Variants in SEPTIN9 observed in about 807,000 individuals in gnomAD.
SEPTIN9 encodes septin-9.
Under a neutral mutation model 56.6 loss-of-function variants are expected in SEPTIN9, and 13 were observed. The ratio of observed to expected loss-of-function variants is 0.23; its 90% CI spans 0.15 to 0.37. The LOEUF is 0.37. SEPTIN9 is among the 10% of genes least tolerant of loss of function. The pLI, the probability that SEPTIN9 is intolerant of heterozygous loss-of-function variation, is 1.00. For synonymous variants in SEPTIN9, 332 were observed against 334.1 expected, an observed-to-expected ratio of 0.99 and a Z score of 0.07; for missense variants, 650 against 823.1, an observed-to-expected ratio of 0.79 and a Z score of 2.57.
chr17:77,446,140 G>C (rs1001114953), intron 3 of SEPTIN9: 1 of 167,184 alleles, frequency 6.0e-6, no homozygotes, highest in Non-Finnish European at 1.5e-5. Flanking sequence ...AAACTCAGTG[G>C]CTTAAAGCAA....
rs919540851 is a variant in SEPTIN9 at position 77,360,371 on chromosome 17, G to A, written c.77-41688G>A. On this transcript the variant is annotated intron_variant, in intron 2 of 11. Transcript: ENST00000427177. ...CCCCCTTCCCAGGGAAGAATAAGCC[G>A]TAGCTGCCTGAGCGTTTTATCCAGT... 6.6e-5 allele frequency among the ~76,000 whole-genome samples: 10 copies of A among 152,314 alleles called. No individual in the cohort carries two copies. In the South Asian group the frequency reaches 8.3e-4, roughly 13 times the overall value.
intron 2 of SEPTIN9, among the ~76,000 whole-genome samples, chr17:77,337,817 T>C (rs776442444): frequency 9.2e-5 from 14 of 152,202 alleles, no homozygotes; most frequent in Non-Finnish European, 8.8e-5. Context: ...CAAGCATACC[T>C]AGGGTTTGCT....
chr17:77,318,404 A>C lies in SEPTIN9; in HGVS notation c.76+11207A>C, dbSNP rs2032782643. ...CTAGACCATCCAGGGTGCTCTCGCC[A>C]CAGCAAGATCTGCAACTGAATCACA... On this transcript the variant is annotated intron_variant, in intron 2 of 11. Coordinates refer to ENST00000427177, the MANE Select transcript of SEPTIN9 (RefSeq NM_001113491.2). This position sits in a 1 kb window ranked among gnomAD's most constrained non-coding sequence, Gnocchi z 4.9. 6.6e-6 allele frequency among the ~76,000 whole-genome samples: 1 copy of C among 151,742 alleles called. No homozygotes were observed.
At position 77,389,918 on chromosome 17, in the gene SEPTIN9, G is replaced by A. The variant is rs543438615; in HGVS notation, c.77-12141G>A. ...TGCCAGAGGTGCTCCCATTCCCATA[G>A]CTGATTTAGTAAAGAAAAGAGGAAG... On this transcript the variant is annotated intron_variant, in intron 2 of 11. Coordinates refer to ENST00000427177, the MANE Select transcript of SEPTIN9 (RefSeq NM_001113491.2). The surrounding 1 kb of genome is among the most constrained non-coding windows in gnomAD (Gnocchi z 4.3). Among the ~76,000 whole-genome samples the A allele has an allele frequency of 6.5e-4, 99 of 152,242 alleles. 1 individual carries two copies. Among genetic ancestry groups the A allele is most frequent in the African/African-American group, 2.1e-3 (86 of 41,540 alleles).
In SEPTIN9 at chr17:77,412,098, C is replaced by G. The variant is rs377661576; in HGVS notation, c.721+9395C>G. Among the ~76,000 whole-genome samples the G allele has an allele frequency of 2.0e-3, 300 of 149,396 alleles. 11 individuals carry two copies. In the South Asian group the frequency reaches 0.054, roughly 27 times the overall value. The stretch of plus-strand genomic sequence containing the variant: ...TGAGCCAAGATCGTGCCATTGCACT[C>G]CAGCCTGGGTGACAGAGCGAGACTC... On this transcript the variant is annotated intron_variant, in intron 3 of 11. Coordinates refer to ENST00000427177, the MANE Select transcript of SEPTIN9 (RefSeq NM_001113491.2).
intron 3 of SEPTIN9, among the ~76,000 whole-genome samples, chr17:77,411,545 G>A (rs1051079826): frequency 6.6e-6 from 1 of 152,000 alleles, no homozygotes; most frequent in Admixed American, 6.6e-5. Context: ...GAAATCACAG[G>A]TGCTTGCCAC....
intron 4 of SEPTIN9, chr17:77,482,670 C>T: frequency 1.7e-6 from 1 of 605,190 alleles, no homozygotes; most frequent in Non-Finnish European, 3.0e-6. Context: ...GGCAGCTGTC[C>T]CCTCACTGTT....
intron 2 of SEPTIN9, among the ~76,000 whole-genome samples, chr17:77,358,964 C>A (rs963193763): frequency 1.3e-5 from 2 of 152,176 alleles, no homozygotes; most frequent in Non-Finnish European, 1.5e-5. Flanking sequence ...CTAGTTCATT[C>A]CTTTGGTGCA....
At chr17:77,366,600 T>C (rs2034577495) in intron 2 of SEPTIN9, among the ~76,000 whole-genome samples, 1 of 152,180 alleles carries the variant, frequency 6.6e-6, no homozygotes, top group East Asian at 1.9e-4. Flanking sequence ...AGTCCTTCTG[T>C]CCTGTGTGTG....
At chr17:77,443,614 G>T (rs949252904) in intron 3 of SEPTIN9, among the ~76,000 whole-genome samples, 1 of 151,940 alleles carries the variant, frequency 6.6e-6, no homozygotes, top group Non-Finnish European at 1.5e-5. Flanking sequence ...CCAACATGGT[G>T]AAACCCTGTC....
intron 2 of SEPTIN9, among the ~76,000 whole-genome samples, chr17:77,370,244 G>A (rs1008100769): frequency 3.9e-5 from 6 of 152,336 alleles, no homozygotes; most frequent in Non-Finnish European, 8.8e-5. Flanking sequence ...AGCAGGGCCA[G>A]CTTCCTCTGA....
intron 2 of SEPTIN9, among the ~76,000 whole-genome samples, chr17:77,370,141 C>T (rs972963771): frequency 7.9e-5 from 12 of 152,242 alleles, no homozygotes; most frequent in African/African-American, 2.9e-4. Context: ...TTTCTCCTGG[C>T]TGCTGTAACA....
At position 77,449,343 on chromosome 17, in the gene SEPTIN9, A is replaced by AC. The variant is rs2037878870; in HGVS notation, c.722-32799dup. Among the ~76,000 whole-genome samples, 1 of 152,086 alleles carries AC rather than the reference A, an allele frequency of 6.6e-6. No homozygotes were observed. The highest frequency in any genetic ancestry group is 6.5e-5 in the Admixed American group (1 of 15,276). On this transcript the variant is annotated intron_variant, in intron 3 of 11. Transcript: ENST00000427177. The surrounding 1 kb of genome is among the most constrained non-coding windows in gnomAD (Gnocchi z 4.6). ...CCCTCATTTGGTGACAGCAAGAGGA[A>AC]CCACTGCAAGAGGGGCGGCCACCTC...
chr17:77,295,799 C>T (rs547580038), intron 1 of SEPTIN9, among the ~76,000 whole-genome samples: 1 of 152,122 alleles, frequency 6.6e-6, no homozygotes, highest in African/African-American at 2.4e-5. Flanking sequence ...CCCCCCACCC[C>T]ACGGAGGCCC....
intron 3 of SEPTIN9, among the ~76,000 whole-genome samples, chr17:77,418,436 G>T (rs1273098933): frequency 6.6e-6 from 1 of 152,086 alleles, no homozygotes; most frequent in African/African-American, 2.4e-5. Context: ...TCCACCTCCT[G>T]GGTTCAAGCA....
chr17:77,425,518 C>G lies in SEPTIN9; in HGVS notation c.721+22815C>G, dbSNP rs1264174857. 1.3e-5 allele frequency among the ~76,000 whole-genome samples: 2 copies of G among 152,192 alleles called. No individual in the cohort carries two copies. On this transcript the variant is annotated intron_variant, in intron 3 of 11. Transcript: ENST00000427177. The surrounding 1 kb of genome is among the most constrained non-coding windows in gnomAD (Gnocchi z 4.2). ...ACGCTGCCTGGGGGGGGTTCCCTTA[C>G]ATGGAAGGAGCTGCAGCTGAGCTGG... is the stretch of plus-strand genomic sequence containing the variant.
chr17:77,303,204 G>A (rs558991652), intron 1 of SEPTIN9, among the ~76,000 whole-genome samples: 3 of 151,866 alleles, frequency 2.0e-5, no homozygotes, highest in East Asian at 2.0e-4. Flanking sequence ...GGGTTCAAGC[G>A]ATTCTCCTGC....
Position 77,493,092 on chromosome 17 carries a change from G to T in SEPTIN9, c.1573+16G>T, listed in dbSNP as rs372341513. On this transcript the variant is annotated intron_variant, in intron 10 of 11. Coordinates refer to ENST00000427177, the MANE Select transcript of SEPTIN9 (RefSeq NM_001113491.2). The stretch of plus-strand genomic sequence containing the variant: ...ACCATCGAAGGTACTCGCCGCAGGC[G>T]CCGGGGCTCCAGACAGATGGGAAGA... The T allele has an allele frequency of 1.2e-5, 18 of 1,539,562 alleles. No individual in the cohort carries two copies. The African/African-American group carries it at 2.1e-4, about 18-fold the overall frequency.
At chr17:77,289,202 T>C (rs534087042) in intron 1 of SEPTIN9, among the ~76,000 whole-genome samples, 2 of 151,914 alleles carry the variant, frequency 1.3e-5, no homozygotes, top group East Asian at 1.9e-4. Context: ...GTTCAAGCAA[T>C]TCTCCTGCCT....
Sources: allele counts gnomAD v4.1 joint callset (sites outside exome capture counted in the v4.1 genomes callset), GRCh38; gene constraint gnomAD v4.1.1; non-coding constraint Gnocchi (gnomAD v3.1); transcripts MANE v1.5; gene names NCBI Gene and HGNC (gene_info 2026-07-23, HGNC 2026-07-21).